Variants in LHCGR observed in about 807,000 individuals in gnomAD.
The protein encoded by LHCGR is lutropin-choriogonadotropic hormone receptor.
LHCGR carries 55 observed loss-of-function variants against 60.7 expected under a neutral mutation model. That is an observed-to-expected ratio of 0.91 (90% CI 0.73 to 1.13). LHCGR has a LOEUF of 1.13. Among genes scored for constraint, LHCGR ranks in the 50% most tolerant of loss-of-function variants. The pLI is 0.00. For missense variants in LHCGR, 862 were observed against 836.0 expected (o/e 1.03, Z -0.38); for synonymous variants, 337 against 316.5 (o/e 1.06, Z -0.69).
chr2:48,725,870 C>T, intron 3 of LHCGR, 120 bp from the exon 4 acceptor site: 1 of 783,840 alleles, frequency 1.3e-6, no homozygotes, highest in Non-Finnish European at 2.2e-6. Context: ...AGCAGGCGAC[C>T]TTCATATGCT....
At chr2:48,717,134 C>T (rs545885175) in intron 6 of LHCGR, among the ~76,000 whole-genome samples, 8 of 152,166 alleles carry the variant, frequency 5.3e-5, no homozygotes, top group Non-Finnish European at 8.8e-5. Context: ...AAGTGATGAT[C>T]GCACTACACA....
chr2:48,703,700 G>C (rs1667519408), intron 8 of LHCGR, among the ~76,000 whole-genome samples: 1 of 152,208 alleles, frequency 6.6e-6, no homozygotes, highest in South Asian at 2.1e-4. Flanking sequence ...TTTCTTATTG[G>C]TGAATAGGAA....
At chr2:48,709,094 T>G in intron 7 of LHCGR, 72 bp from the exon 8 acceptor site, 1 of 1,154,480 alleles carries the variant, frequency 8.7e-7, no homozygotes, top group South Asian at 1.2e-5. Flanking sequence ...CATATACACA[T>G]GTTTAGACCA....
In LHCGR at chr2:48,755,633, C is replaced by A; in HGVS notation, c.39G>T (p.Leu13=). 6.5e-7 allele frequency: 1 copy of A among 1,535,680 alleles called. No individual in the cohort carries two copies. The highest frequency in any genetic ancestry group is 1.2e-5 in the South Asian group (1 of 83,910). The change falls in exon 1 of 11, where the codon CTG becomes CTT. Residue 13 remains leucine, a synonymous_variant. Transcript: ENST00000294954. Reference sequence around the variant, plus strand: ...GCAGCGGCGGCTGCAGCAGCAGCAGCAGCTTCAGCAGCTGCAGCGCCGAGA... The same window carrying A: ...GCAGCGGCGGCTGCAGCAGCAGCAGAAGCTTCAGCAGCTGCAGCGCCGAGA... ...QRFSALQLLK[L]LLLLQPPLPR... is the part of the protein sequence containing the mutation.
intron 1 of LHCGR, among the ~76,000 whole-genome samples, chr2:48,749,918 C>T (rs992998934): frequency 6.6e-6 from 1 of 152,082 alleles, no homozygotes; most frequent in Non-Finnish European, 1.5e-5. Context: ...GATTTTTAAA[C>T]AAATAAAATC....
intron 8 of LHCGR, among the ~76,000 whole-genome samples, chr2:48,708,465 A>C (rs1667805771): frequency 6.6e-6 from 1 of 152,172 alleles, no homozygotes; most frequent in South Asian, 2.1e-4. Context: ...AGAGGTAATG[A>C]AGTTAAAATG....
intron 3 of LHCGR, among the ~76,000 whole-genome samples, chr2:48,727,105 T>C (rs1668772330): frequency 6.6e-6 from 1 of 152,020 alleles, no homozygotes; most frequent in Admixed American, 6.6e-5. Flanking sequence ...GAGCCTTATG[T>C]GGGTGGGATG....
At chr2:48,725,310 A>G (rs567367047) in intron 4 of LHCGR, among the ~76,000 whole-genome samples, 11 of 152,286 alleles carry the variant, frequency 7.2e-5, no homozygotes, top group Admixed American at 3.9e-4. Context: ...TCAGACCAGA[A>G]TTGCCACTCT....
At chr2:48,732,983 TG>T (rs1334626250) in intron 1 of LHCGR, 2 of 531,520 alleles carry the variant, frequency 3.8e-6, no homozygotes, top group East Asian at 5.4e-5. Context: ...AATCTTCTTG[TG>T]ATGGCATATT....
chr2:48,719,124 C>T (rs921639868), intron 6 of LHCGR, among the ~76,000 whole-genome samples: 3 of 151,426 alleles, frequency 2.0e-5, no homozygotes, highest in African/African-American at 7.3e-5. Flanking sequence ...AGATCAAGAC[C>T]ATCCTGGCTA....
chr2:48,742,547 A>G (rs1469000568), intron 1 of LHCGR, among the ~76,000 whole-genome samples: 1 of 151,912 alleles, frequency 6.6e-6, no homozygotes, highest in East Asian at 1.9e-4. Flanking sequence ...CTCACTCAAA[A>G]CCGCTCAACT....
intron 1 of LHCGR, among the ~76,000 whole-genome samples, chr2:48,747,813 A>C (rs1669778173): frequency 6.6e-6 from 1 of 152,210 alleles, no homozygotes; most frequent in Admixed American, 6.5e-5. Flanking sequence ...TGGTGCTTGC[A>C]AATGAAAAAA....
At chr2:48,718,626 T>C (rs186028019) in intron 6 of LHCGR, among the ~76,000 whole-genome samples, 78 of 152,274 alleles carry the variant, frequency 5.1e-4, no homozygotes, top group African/African-American at 1.8e-3. Context: ...TTTTTTCAAA[T>C]GACTATACAA....
chr2:48,743,643 AC>A (rs1669571876), intron 1 of LHCGR, among the ~76,000 whole-genome samples: 1 of 152,036 alleles, frequency 6.6e-6, no homozygotes, highest in African/African-American at 2.4e-5. Context: ...AAATTCAACA[AC>A]CCTTCATGCT....
intron 1 of LHCGR, among the ~76,000 whole-genome samples, chr2:48,740,542 C>T (rs936707868): frequency 2.0e-5 from 3 of 152,130 alleles, no homozygotes; most frequent in African/African-American, 7.2e-5. Context: ...CCCCTGACCC[C>T]TGAGCAGCCT....
intron 1 of LHCGR, among the ~76,000 whole-genome samples, chr2:48,731,659 G>T (rs1668995959): frequency 6.6e-6 from 1 of 152,026 alleles, no homozygotes; most frequent in Non-Finnish European, 1.5e-5. Flanking sequence ...TACTTCACAG[G>T]GTCATTGTGA....
chr2:48,710,567 C>T (rs913657014), intron 7 of LHCGR, among the ~76,000 whole-genome samples: 1 of 152,178 alleles, frequency 6.6e-6, no homozygotes, highest in Non-Finnish European at 1.5e-5. Context: ...TGAGAATTCT[C>T]CCAATGATGT....
At chr2:48,734,578 T>G (rs1267836091) in intron 1 of LHCGR, among the ~76,000 whole-genome samples, 2 of 152,338 alleles carry the variant, frequency 1.3e-5, no homozygotes, top group South Asian at 2.1e-4. Context: ...CCTCTCTCCC[T>G]TCTTCCCTCC....
chr2:48,718,921 C>T (rs550215956), intron 6 of LHCGR, among the ~76,000 whole-genome samples: 88 of 152,308 alleles, frequency 5.8e-4, no homozygotes, highest in African/African-American at 2.1e-3. Context: ...CTCAGCAGCA[C>T]TGAGTTTTCA....
Sources: allele counts gnomAD v4.1 joint callset (sites outside exome capture counted in the v4.1 genomes callset), GRCh38; gene constraint gnomAD v4.1.1; transcripts MANE v1.5; gene names NCBI Gene and HGNC (gene_info 2026-07-23, HGNC 2026-07-21).